ULK4: variants seen among roughly 807,000 people sequenced by gnomAD.
ULK4 encodes the protein inactive serine/threonine-protein kinase ULK4.
A neutral mutation model predicts 160.6 loss-of-function variants in ULK4; 133 were observed. The ratio of observed to expected loss-of-function variants is 0.83; its 90% confidence interval spans 0.72 to 0.96. The LOEUF (loss-of-function observed/expected upper bound fraction) is 0.96. Ranked by LOEUF, ULK4 falls within the 40% of genes least tolerant of loss-of-function variation. The pLI is 0.00. For missense variants in ULK4, 1,580 were observed against 1,499.5 expected, an observed-to-expected ratio of 1.05 and a Z score of -0.89; for synonymous variants, 534 against 539.8, an observed-to-expected ratio of 0.99 and a Z score of 0.15.
At chr3:41,769,161 C>T (rs1470728414) in intron 21 of ULK4, among the ~76,000 whole-genome samples, 1 of 152,176 alleles carries the variant, frequency 6.6e-6, no homozygotes, top group East Asian at 1.9e-4. Context: ...GAAGCTGCAG[C>T]ACAATTTTAG....
At chr3:41,465,553 T>G (rs2083809966) in intron 32 of ULK4, among the ~76,000 whole-genome samples, 1 of 152,212 alleles carries the variant, frequency 6.6e-6, no homozygotes, top group Admixed American at 6.5e-5. Context: ...TTAAGTCTCC[T>G]TTAATTTCTA....
chr3:41,309,058 T>G (rs73831305), intron 35 of ULK4, among the ~76,000 whole-genome samples: 26,736 of 152,160 alleles, frequency 0.18, 2,989 homozygotes, highest in African/African-American at 0.31. Flanking sequence ...TAAATAAAAT[T>G]TATGAAAGTT....
intron 18 of ULK4, among the ~76,000 whole-genome samples, chr3:41,833,394 C>G (rs2041657611): frequency 6.6e-6 from 1 of 151,748 alleles, no homozygotes; most frequent in Non-Finnish European, 1.5e-5. Flanking sequence ...CTCCCGGGTT[C>G]AAGCCCTTCT....
intron 34 of ULK4, among the ~76,000 whole-genome samples, chr3:41,407,519 T>C (rs72868226): frequency 0.023 from 3,511 of 152,278 alleles, 134 homozygotes; most frequent in African/African-American, 0.078. Flanking sequence ...TGAAAAGTAT[T>C]ATAGACCATT....
chr3:41,746,314 A>G (rs2038421937), intron 22 of ULK4, among the ~76,000 whole-genome samples: 1 of 148,080 alleles, frequency 6.8e-6, no homozygotes, highest in African/African-American at 2.5e-5. Flanking sequence ...CAACTGATAA[A>G]TGAGTTTAGT....
At chr3:41,505,338 G>A (rs2085340130) in intron 32 of ULK4, among the ~76,000 whole-genome samples, 4 of 151,968 alleles carry the variant, frequency 2.6e-5, no homozygotes, top group Admixed American at 2.6e-4. Flanking sequence ...AGATTAATTT[G>A]CTGCCTGGTT....
intron 30 of ULK4, among the ~76,000 whole-genome samples, chr3:41,642,559 T>C (rs1234097153): frequency 6.6e-6 from 1 of 152,210 alleles, no homozygotes; most frequent in African/African-American, 2.4e-5. Flanking sequence ...ATGGTGTATA[T>C]GTGCCACATT....
chr3:41,932,329 A>G (rs1699631107), intron 4 of ULK4, among the ~76,000 whole-genome samples: 1 of 152,240 alleles, frequency 6.6e-6, no homozygotes, highest in Non-Finnish European at 1.5e-5. Flanking sequence ...AGTGTCAGCT[A>G]TAACAGGATT....
At chr3:41,765,000 G>A (rs111304140) in intron 21 of ULK4, among the ~76,000 whole-genome samples, 18,853 of 152,184 alleles carry the variant, frequency 0.12, 1,352 homozygotes, top group Middle Eastern at 0.27. Flanking sequence ...CCAGTGTGGC[G>A]ATTCCTCAGG....
At chr3:41,250,261 A>C (rs1379654253) in intron 35 of ULK4, among the ~76,000 whole-genome samples, 1 of 152,210 alleles carries the variant, frequency 6.6e-6, no homozygotes, top group African/African-American at 2.4e-5. Flanking sequence ...ATGTCCTGAA[A>C]GGCAGAGAAG....
intron 32 of ULK4, among the ~76,000 whole-genome samples, chr3:41,534,052 C>G (rs1030276830): frequency 1.3e-5 from 2 of 152,130 alleles, no homozygotes; most frequent in Non-Finnish European, 2.9e-5. Context: ...ATGATCCAAC[C>G]GCCTCGGCCT....
At chr3:41,902,580 A>G (rs1400522795) in intron 12 of ULK4, among the ~76,000 whole-genome samples, 2 of 146,776 alleles carry the variant, frequency 1.4e-5, no homozygotes, top group Admixed American at 1.3e-4. Context: ...TCCACCAAAA[A>G]AAAAAAAGAA....
intron 17 of ULK4, among the ~76,000 whole-genome samples, chr3:41,843,790 C>G (rs1187826044): frequency 1.3e-5 from 2 of 152,130 alleles, no homozygotes; most frequent in East Asian, 1.9e-4. Context: ...TGCTTTTATT[C>G]TCTTATCTGG....
At chr3:41,682,542 C>T (rs2035957880) in intron 27 of ULK4, among the ~76,000 whole-genome samples, 1 of 152,244 alleles carries the variant, frequency 6.6e-6, no homozygotes, top group South Asian at 2.1e-4. Context: ...AGCCAAACGA[C>T]ATCTTGCCGT....
intron 29 of ULK4, among the ~76,000 whole-genome samples, chr3:41,680,902 T>A (rs529726038): frequency 7.2e-5 from 11 of 152,334 alleles, no homozygotes; most frequent in African/African-American, 2.4e-4. Context: ...ATTGACAGTG[T>A]CCCCTCAACT....
At chr3:41,847,133 G>T (rs1315912715) in intron 17 of ULK4, among the ~76,000 whole-genome samples, 1 of 152,104 alleles carries the variant, frequency 6.6e-6, no homozygotes, top group Non-Finnish European at 1.5e-5. Context: ...GGTGGAGCCA[G>T]GCCTTTTTGG....
intron 34 of ULK4, among the ~76,000 whole-genome samples, chr3:41,413,106 C>A (rs2082443575): frequency 6.6e-6 from 1 of 152,130 alleles, no homozygotes; most frequent in South Asian, 2.1e-4. Context: ...GTACATCTCA[C>A]AAGGCAGCAG....
chr3:41,868,209 T>C (rs889685823), intron 17 of ULK4, among the ~76,000 whole-genome samples: 6 of 152,206 alleles, frequency 3.9e-5, no homozygotes, highest in African/African-American at 1.4e-4. Context: ...ATAATGAATT[T>C]GTCATTATCA....
chr3:41,933,033 C>A (rs1699648025), intron 4 of ULK4, among the ~76,000 whole-genome samples: 1 of 152,254 alleles, frequency 6.6e-6, no homozygotes, highest in African/African-American at 2.4e-5. Flanking sequence ...GAGAGCGAGA[C>A]CCTGTCTAAA....
Sources: gnomAD v4.1 joint callset for allele counts (sites outside exome capture counted in the v4.1 genomes callset) on GRCh38, gnomAD v4.1.1 for gene constraint, MANE v1.5 for transcripts, NCBI Gene and HGNC (gene_info 2026-07-23, HGNC 2026-07-21) for gene names.